Variants in DSG4 observed in about 807,000 individuals in gnomAD.
The protein encoded by DSG4 is desmoglein-4.
DSG4 carries 87 observed loss-of-function variants against 93.1 expected under a neutral mutation model. That is an observed-to-expected ratio of 0.93 (90% CI 0.79 to 1.12). The LOEUF (loss-of-function observed/expected upper bound fraction) is 1.12, where lower values mean the gene tolerates loss of function less well. DSG4 is among the 50% of genes most tolerant of loss of function. DSG4 has a pLI of 0.00. For synonymous variants in DSG4, 432 were observed against 452.9 expected (o/e 0.95, Z 0.59); for missense variants, 1,373 against 1,285.7 (o/e 1.07, Z -1.04).
chr18:31,409,756 T>C lies in DSG4; in HGVS notation c.2085T>C (p.Asn695=). The C allele has an allele frequency of 6.2e-7, 1 of 1,614,210 alleles. No individual in the cohort carries two copies. The highest frequency in any genetic ancestry group is 1.1e-5 in the South Asian group (1 of 91,086). ...ATTTTTCTTTTCAGGATGTGTCAAA[T>C]ATATGTGCACCCATGACAGCCTCAA... ...GAHPEDRDVS[N]ICAPMTASNT... Residue 695 remains asparagine, a synonymous_variant, in exon 14 of 16, where the codon AAT becomes AAC. Transcript: ENST00000308128.
rs777630702 is a variant in DSG4 at position 31,385,139 on chromosome 18, G to C, written c.52G>C (p.Val18Leu). 12 of 1,601,664 alleles carry C rather than the reference G, an allele frequency of 7.5e-6. No individual in the cohort carries two copies. Among genetic ancestry groups the C allele is most frequent in the South Asian group, 6.8e-5 (6 of 88,852 alleles). Residue 18 changes from valine to leucine, a missense_variant, in exon 2 of 16, where the codon GTG becomes CTG. Transcript: ENST00000308128. ...NICLLIILMV[V>L]MEVNSEFIVE... is the part of the protein sequence containing the mutation. The stretch of plus-strand genomic sequence containing the variant: ...GTGGTATCTTCTATCAAAACAGGTG[G>C]TGATGGAAGTAAACAGTGAATTTAT...
chr18:31,408,222 C>T (rs1025899167), intron 12 of DSG4, among the ~76,000 whole-genome samples: 1 of 152,148 alleles, frequency 6.6e-6, no homozygotes, highest in Non-Finnish European at 1.5e-5. Flanking sequence ...ATGTTAGCTC[C>T]AAATGAGATT....
Position 31,399,375 on chromosome 18 carries a change from C to T in DSG4, c.1109C>T (p.Thr370Ile), listed in dbSNP as rs2072339407. The T allele has an allele frequency of 6.2e-7, 1 of 1,613,972 alleles. No individual in the cohort carries two copies. The highest frequency in any genetic ancestry group is 1.3e-5 in the African/African-American group (1 of 74,916). ...GCTTCTCAATTCCAAATGCACCCAA[C>T]CCCTGTGAGAATTCAAGTTGTTGAT... The part of the protein sequence containing the change: ...SVASQFQMHP[T>I]PVRIQVVDVR... Residue 370 changes from threonine to isoleucine, a missense_variant, in exon 9 of 16, where the codon ACC (threonine) becomes ATC (isoleucine). Coordinates refer to ENST00000308128, the MANE Select transcript of DSG4 (RefSeq NM_177986.5).
chr18:31,385,064 C>A, intron 1 of DSG4, 72 bp from the exon 2 acceptor site: 2 of 1,235,202 alleles, frequency 1.6e-6, no homozygotes, highest in South Asian at 2.6e-5. Flanking sequence ...AGAATATTGT[C>A]AATGTTTTTA....
chr18:31,392,346 G>A lies in DSG4; in HGVS notation c.1005+6G>A. The A allele has an allele frequency of 6.2e-7, 1 of 1,613,298 alleles. No individual in the cohort carries two copies. The highest frequency in any genetic ancestry group is 8.5e-7 in the Non-Finnish European group (1 of 1,179,554). ...GCATTTTGAAAGTTGTCAAGGTACA[G>A]TATAAGGATCTGCAATATTTTCTTC... is the stretch of plus-strand genomic sequence containing the variant. On this transcript the variant is annotated splice_donor_region_variant and intron_variant, in intron 8 of 15. Transcript: ENST00000308128.
At chr18:31,380,473 G>A (rs1341591428) in intron 1 of DSG4, among the ~76,000 whole-genome samples, 2 of 152,182 alleles carry the variant, frequency 1.3e-5, no homozygotes, top group Non-Finnish European at 2.9e-5. Context: ...TACAGGGTGT[G>A]TGACAACAGT....
intron 6 of DSG4, 29 bp downstream of exon 6, chr18:31,390,851 T>C (rs1393446302): frequency 1.2e-6 from 2 of 1,606,726 alleles, no homozygotes; most frequent in Non-Finnish European, 1.7e-6. Flanking sequence ...GAACAAGAAC[T>C]AAAAAATTCA....
At chr18:31,401,728 C>CA (rs2072369949) in intron 10 of DSG4, 1 of 151,962 alleles carries the variant, frequency 6.6e-6, no homozygotes, top group Non-Finnish European at 1.5e-5. Flanking sequence ...AAACAAGAGA[C>CA]AAAGGTCAGG....
Position 31,413,435 on chromosome 18 carries a change from G to A in DSG4, c.2963G>A (p.Gly988Glu). ...SNSSTTEGCM[G>E]PVMSGNILVG... ...AGTAGCACGACTGAGGGTTGTATGG[G>A]ACCTGTGATGAGCGGCAATATTTTA... The change falls in exon 16 of 16, where the codon GGA becomes GAA. Residue 988 changes from glycine (G) to glutamate (E), a missense_variant. Physicochemically the swap from Gly to Glu is moderately conservative, Grantham distance 98 (BLOSUM62 -2). Coordinates refer to ENST00000308128, the MANE Select transcript of DSG4 (RefSeq NM_177986.5). 6.2e-7 allele frequency: 1 copy of A among 1,613,018 alleles called. No homozygotes were observed. Among genetic ancestry groups the A allele is most frequent in the African/African-American group, 1.3e-5 (1 of 75,002 alleles).
chr18:31,379,825 C>A (rs2072115368), intron 1 of DSG4, among the ~76,000 whole-genome samples: 1 of 152,144 alleles, frequency 6.6e-6, no homozygotes, highest in Non-Finnish European at 1.5e-5. Flanking sequence ...ACTTGTCAGG[C>A]AGATTTCCAG....
At chr18:31,405,861 G>A (rs977144718) in intron 11 of DSG4, among the ~76,000 whole-genome samples, 8 of 151,870 alleles carry the variant, frequency 5.3e-5, no homozygotes, top group Non-Finnish European at 8.8e-5. Context: ...TCCAGCCTGG[G>A]CAATAGGAAT....
At chr18:31,393,897 A>T (rs1256196075) in intron 8 of DSG4, among the ~76,000 whole-genome samples, 1 of 152,104 alleles carries the variant, frequency 6.6e-6, no homozygotes. Context: ...CACCAAAATT[A>T]TGAAAAATAT....
chr18:31,401,432 T>A (rs1038298768), intron 10 of DSG4: 1 of 156,150 alleles, frequency 6.4e-6, no homozygotes, highest in Non-Finnish European at 1.4e-5. Flanking sequence ...TTATTTTAGA[T>A]CCATTAAAAC....
At chr18:31,393,511 G>A (rs1235057946) in intron 8 of DSG4, among the ~76,000 whole-genome samples, 1 of 152,274 alleles carries the variant, frequency 6.6e-6, no homozygotes, top group East Asian at 1.9e-4. Context: ...GAAGAGAGAA[G>A]GGGGAGGTCC....
rs2072485143 is a variant in DSG4 at position 31,411,220 on chromosome 18, T to C, written c.2138-11T>C. The C allele has an allele frequency of 6.2e-7, 1 of 1,612,926 alleles. No individual in the cohort carries two copies. Among genetic ancestry groups the C allele is most frequent in the East Asian group, 2.2e-5 (1 of 44,762 alleles). ...CTCCAGCGCTGTTAAACCAACATCC[T>C]CCCTTTTCAGAAATCTACACCAACA... On this transcript the variant is annotated splice_polypyrimidine_tract_variant and intron_variant, in intron 14 of 15. Transcript: ENST00000308128.
At chr18:31,380,934 A>G (rs1010291302) in intron 1 of DSG4, among the ~76,000 whole-genome samples, 2 of 152,204 alleles carry the variant, frequency 1.3e-5, no homozygotes, top group African/African-American at 4.8e-5. Context: ...CTCTAGAAGT[A>G]AGGATTAAAA....
At chr18:31,390,531 C>A in intron 5 of DSG4, 125 bp from the exon 6 acceptor site, 2 of 1,111,416 alleles carry the variant, frequency 1.8e-6, no homozygotes, top group South Asian at 1.3e-5. Flanking sequence ...GTACTATATT[C>A]CCATGGAAAA....
rs534219968 is a variant in DSG4, at chr18:31,385,938, T to A, written c.85-750T>A. Among the ~76,000 whole-genome samples, 25 of 152,258 alleles carry A rather than the reference T, an allele frequency of 1.6e-4. No individual in the cohort carries two copies. In the South Asian group the frequency reaches 4.8e-3, roughly 29 times the overall value. ...AAAATAAATACGTGCATATATATAG[T>A]TTATGCATGTATACAAATAGGCTTG... On this transcript the variant is annotated intron_variant, in intron 2 of 15. Transcript: ENST00000308128.
rs538121387 is a variant in DSG4 at position 31,380,001 on chromosome 18, T to C, written c.48+3042T>C. 4.6e-5 allele frequency among the ~76,000 whole-genome samples: 7 copies of C among 152,336 alleles called. No individual in the cohort carries two copies. The South Asian group carries it at 6.2e-4, about 14-fold the overall frequency. ...GAAGCAAATCTCACCTCTATGATTG[T>C]TTTGTTGATATAAGTGGCTAAGGAA... is the stretch of plus-strand genomic sequence containing the variant. On this transcript the variant is annotated intron_variant, in intron 1 of 15. Coordinates refer to ENST00000308128, the MANE Select transcript of DSG4 (RefSeq NM_177986.5).
Sources: allele counts gnomAD v4.1 joint callset (sites outside exome capture counted in the v4.1 genomes callset), GRCh38; gene constraint gnomAD v4.1.1; transcripts MANE v1.5; gene names NCBI Gene and HGNC (gene_info 2026-07-23, HGNC 2026-07-21).